Variants in POU6F2 observed in about 807,000 individuals in gnomAD.
POU6F2 encodes POU class 6 homeobox 2.
Under a neutral mutation model 71.3 loss-of-function variants are expected in POU6F2, and 31 were observed. The ratio of observed to expected loss-of-function variants is 0.43; its 90% CI spans 0.33 to 0.59. The LOEUF is 0.59. Among genes scored for constraint, POU6F2 ranks in the 20% least tolerant of loss-of-function variants. The pLI is 0.04. For missense variants in POU6F2, 783 were observed against 856.8 expected, an observed-to-expected ratio of 0.91 and a Z score of 1.07; for synonymous variants, 347 against 355.7, an observed-to-expected ratio of 0.98 and a Z score of 0.27.
chr7:39,386,422 C>A (rs1433128657), intron 5 of POU6F2, among the ~76,000 whole-genome samples: 1 of 152,200 alleles, frequency 6.6e-6, no homozygotes, highest in Non-Finnish European at 1.5e-5. Context: ...CTCCACCGTT[C>A]TATTATAGCT....
chr7:39,431,562 A>G (rs111549177), intron 6 of POU6F2, among the ~76,000 whole-genome samples: 6 of 152,188 alleles, frequency 3.9e-5, no homozygotes, highest in Admixed American at 6.5e-5. Context: ...TGCAAACAAG[A>G]CACACAGTGT....
chr7:39,344,490 A>G (rs543885936), intron 5 of POU6F2, among the ~76,000 whole-genome samples: 2 of 152,294 alleles, frequency 1.3e-5, no homozygotes, highest in East Asian at 3.9e-4. Flanking sequence ...CAAAGTGCAT[A>G]CATAATGGGA....
chr7:39,357,320 A>T (rs1019893134), intron 5 of POU6F2, among the ~76,000 whole-genome samples: 1 of 152,188 alleles, frequency 6.6e-6, no homozygotes, highest in African/African-American at 2.4e-5. Flanking sequence ...GGCACTTAAC[A>T]TATGCCAGGC....
intron 5 of POU6F2, among the ~76,000 whole-genome samples, chr7:39,371,470 C>T (rs896488191): frequency 6.6e-6 from 1 of 152,148 alleles, no homozygotes. Context: ...TGAGCCACCA[C>T]GCCCGGCCGA....
At chr7:39,344,206 A>C (rs142601058) in intron 5 of POU6F2, among the ~76,000 whole-genome samples, 11 of 152,310 alleles carry the variant, frequency 7.2e-5, no homozygotes, top group African/African-American at 2.2e-4. Context: ...AATAAATAAC[A>C]GAGGGAGAGA....
intron 5 of POU6F2, among the ~76,000 whole-genome samples, chr7:39,378,593 C>T (rs533395928): frequency 2.6e-5 from 4 of 152,294 alleles, no homozygotes; most frequent in African/African-American, 9.6e-5. Flanking sequence ...CTGTTGCTGT[C>T]ACTGATTGCT....
At chr7:39,311,431 T>A (rs1470823227) in intron 4 of POU6F2, among the ~76,000 whole-genome samples, 1 of 152,214 alleles carries the variant, frequency 6.6e-6, no homozygotes, top group African/African-American at 2.4e-5. Context: ...TGTACCTACT[T>A]ATGAAGCTCA....
chr7:39,460,557 G>T lies in POU6F2; in HGVS notation c.1500G>T (p.Thr500=). 1 of 1,613,636 alleles carries T rather than the reference G, an allele frequency of 6.2e-7. No individual in the cohort carries two copies. The highest frequency in any genetic ancestry group is 8.5e-7 in the Non-Finnish European group (1 of 1,179,780). Residue 500 remains threonine (T), a synonymous_variant, in exon 9 of 10, where the codon ACG becomes ACT. Transcript: ENST00000518318. This position sits in a 1 kb window ranked among gnomAD's most constrained non-coding sequence, Gnocchi z 4.4. The stretch of plus-strand genomic sequence containing the variant: ...AAAACATCTCCACAGATCCTCAAAC[G>T]GCAGCGGGTGAGGTGGATGGGGTTA... ...SVGQLVSNPQ[T]AAGEVDGVNL...
chr7:39,415,514 T>C (rs969192916), intron 6 of POU6F2, among the ~76,000 whole-genome samples: 2 of 152,200 alleles, frequency 1.3e-5, no homozygotes, highest in East Asian at 3.9e-4. Context: ...AAGATGCCAT[T>C]TACAAACAGC....
At position 39,155,220 on chromosome 7, in the gene POU6F2, A is replaced by G. The variant is rs148509871; in HGVS notation, c.278-49015A>G. Among the ~76,000 whole-genome samples the G allele has an allele frequency of 2.9e-3, 425 of 145,378 alleles. 1 individual carries two copies. The highest frequency in any genetic ancestry group is 0.01 in the African/African-American group (402 of 39,162). On this transcript the variant is annotated intron_variant, in intron 2 of 9. Coordinates refer to ENST00000518318, the MANE Select transcript of POU6F2 (RefSeq NM_001370959.1). ...CTTTTAAAAAGAAATAATTCCAAAC[A>G]AATATTTCTCTTGCTATTACTGAGT...
At chr7:38,981,092 A>G (rs1788304266) in intron 1 of POU6F2, among the ~76,000 whole-genome samples, 1 of 152,240 alleles carries the variant, frequency 6.6e-6, no homozygotes. Context: ...CAGATTTCTG[A>G]TAGCAATTAC....
intron 2 of POU6F2, among the ~76,000 whole-genome samples, chr7:39,129,198 G>A (rs2128729115): frequency 6.6e-6 from 1 of 152,242 alleles, no homozygotes; most frequent in Non-Finnish European, 1.5e-5. Context: ...TGCTTTCTTA[G>A]GAGAATGGCT....
At chr7:39,091,085 C>T (rs1791356195) in intron 2 of POU6F2, among the ~76,000 whole-genome samples, 1 of 152,144 alleles carries the variant, frequency 6.6e-6, no homozygotes, top group Non-Finnish European at 1.5e-5. Context: ...CGCCCCGCCC[C>T]AGAAAAACCA....
chr7:39,460,550 C>T lies in POU6F2; in HGVS notation c.1493C>T (p.Pro498Leu). 2 of 1,613,548 alleles carry T rather than the reference C, an allele frequency of 1.2e-6. No individual in the cohort carries two copies. Among genetic ancestry groups the T allele is most frequent in the East Asian group, 4.5e-5 (2 of 44,880 alleles). Residue 498 changes from proline to leucine, a missense_variant, in exon 9 of 10, where the codon CCT becomes CTT. By Grantham distance (98) the Pro-to-Leu change is moderately conservative. This residue lies in a region of POU6F2 where 572 missense variants were observed against 572.9 expected (regional missense o/e 1.00). Transcript: ENST00000518318. This position sits in a 1 kb window ranked among gnomAD's most constrained non-coding sequence, Gnocchi z 4.4. Reference sequence around the variant, plus strand: ...ATTTTTAAAAACATCTCCACAGATCCTCAAACGGCAGCGGGTGAGGTGGAT... The same window carrying T: ...ATTTTTAAAAACATCTCCACAGATCTTCAAACGGCAGCGGGTGAGGTGGAT... ...ALSVGQLVSN[P>L]QTAAGEVDGV... is the part of the protein sequence containing the mutation.
At chr7:39,409,340 T>G (rs113573290) in intron 6 of POU6F2, among the ~76,000 whole-genome samples, 3 of 152,326 alleles carry the variant, frequency 2.0e-5, no homozygotes, top group Admixed American at 6.5e-5. Flanking sequence ...GTTAGGTCTG[T>G]TGAGAAGGGT....
At chr7:39,140,139 T>C (rs1439168821) in intron 2 of POU6F2, among the ~76,000 whole-genome samples, 1 of 152,132 alleles carries the variant, frequency 6.6e-6, no homozygotes, top group Non-Finnish European at 1.5e-5. Flanking sequence ...AAAGAGCTCT[T>C]TATTAATCCT....
At chr7:39,029,365 A>G (rs140793895) in intron 1 of POU6F2, among the ~76,000 whole-genome samples, 344 of 152,020 alleles carry the variant, frequency 2.3e-3, no homozygotes, top group African/African-American at 8.0e-3. Flanking sequence ...TTTGTTTCCT[A>G]TTACAGTGAC....
intron 2 of POU6F2, among the ~76,000 whole-genome samples, chr7:39,195,476 T>A (rs1023670718): frequency 6.6e-6 from 1 of 152,210 alleles, no homozygotes; most frequent in Non-Finnish European, 1.5e-5. Flanking sequence ...GGAAGGCATC[T>A]GGGGTCTTGG....
At chr7:39,106,112 C>T (rs1410410209) in intron 2 of POU6F2, among the ~76,000 whole-genome samples, 1 of 152,174 alleles carries the variant, frequency 6.6e-6, no homozygotes, top group African/African-American at 2.4e-5. Context: ...AAATAGATAT[C>T]CAAGTGCATC....
Sources: gnomAD v4.1 joint callset for allele counts (sites outside exome capture counted in the v4.1 genomes callset) on GRCh38, gnomAD v4.1.1 for gene constraint, gnomAD v4.1.1 regional missense constraint, Gnocchi (gnomAD v3.1) non-coding constraint, MANE v1.5 for transcripts, NCBI Gene and HGNC (gene_info 2026-07-23, HGNC 2026-07-21) for gene names.